The following CRACD variants were observed in gnomAD, a reference collection of about 807,000 sequenced individuals.
CRACD encodes the protein capping protein-inhibiting regulator of actin dynamics.
In CRACD, 56 loss-of-function variants were observed where a neutral mutation model predicts 106.8. The observed-to-expected ratio is 0.52, with a 90% CI of 0.42 to 0.66. The LOEUF (loss-of-function observed/expected upper bound fraction) is 0.66. Ranked by LOEUF, CRACD falls within the 30% of genes least tolerant of loss-of-function variation. The probability of loss-of-function intolerance (pLI) is 0.00; values close to 1 mark genes in which losing one functional copy is unlikely to be tolerated. For synonymous variants in CRACD, 754 were observed against 670.8 expected, an observed-to-expected ratio of 1.12 and a Z score of -1.92; for missense variants, 1,730 against 1,623.2, an observed-to-expected ratio of 1.07 and a Z score of -1.13.
At chr4:56,246,297 G>T (rs1681168356) in intron 2 of CRACD, among the ~76,000 whole-genome samples, 1 of 152,170 alleles carries the variant, frequency 6.6e-6, no homozygotes, top group South Asian at 2.1e-4. Context: ...CTAGTGAAAA[G>T]ATTATATATC....
At chr4:56,069,939 C>A in intron 1 of CRACD, among the ~76,000 whole-genome samples, 1 of 152,200 alleles carries the variant, frequency 6.6e-6, no homozygotes, top group East Asian at 1.9e-4. Context: ...TACAGCTCTG[C>A]ATATAATGGG....
At chr4:56,072,604 C>G (rs1732697657) in intron 1 of CRACD, among the ~76,000 whole-genome samples, 1 of 150,868 alleles carries the variant, frequency 6.6e-6, no homozygotes, top group African/African-American at 2.4e-5. Context: ...TTCTTTCTTT[C>G]TTTCTTTTTT....
At chr4:56,219,131 C>G (rs890271482) in intron 2 of CRACD, among the ~76,000 whole-genome samples, 2 of 152,200 alleles carry the variant, frequency 1.3e-5, no homozygotes, top group Non-Finnish European at 2.9e-5. Context: ...CAGTTCTCTT[C>G]TTACCTTACT....
At chr4:56,285,314 G>A (rs1395615518) in intron 3 of CRACD, among the ~76,000 whole-genome samples, 5 of 152,176 alleles carry the variant, frequency 3.3e-5, no homozygotes, top group Admixed American at 6.5e-5. Context: ...ACCGAATTTC[G>A]AGACTGGCAC....
chr4:56,110,853 TC>T (rs775454513), intron 1 of CRACD, among the ~76,000 whole-genome samples: 46 of 152,290 alleles, frequency 3.0e-4, no homozygotes, highest in Middle Eastern at 3.4e-3. Context: ...TGCCTTGGCC[TC>T]CCAAAGTGCT....
At chr4:56,221,732 A>G (rs937016879) in intron 2 of CRACD, among the ~76,000 whole-genome samples, 1 of 152,220 alleles carries the variant, frequency 6.6e-6, no homozygotes, top group Non-Finnish European at 1.5e-5. Flanking sequence ...AATGACATGA[A>G]CAGACATTTC....
Position 56,144,148 on chromosome 4 carries a change from G to A in CRACD, c.-335-35136G>A, listed in dbSNP as rs187674867. On this transcript the variant is annotated intron_variant, in intron 1 of 10. Transcript: ENST00000682029. The stretch of plus-strand genomic sequence containing the variant: ...AGACCTACAGGTGAGGGAGCACATG[G>A]TGCTTCTGAGCAAAGGAAAAATGTT... Among the ~76,000 whole-genome samples the A allele has an allele frequency of 5.7e-4, 87 of 152,248 alleles. 1 individual carries two copies. The highest frequency in any genetic ancestry group is 3.4e-3 in the Middle Eastern group (1 of 294).
intron 1 of CRACD, among the ~76,000 whole-genome samples, chr4:56,113,441 A>G (rs1274003227): frequency 6.6e-6 from 1 of 152,238 alleles, no homozygotes; most frequent in Non-Finnish European, 1.5e-5. Context: ...GTTGAAAAAA[A>G]TGAACTTCTT....
intron 1 of CRACD, among the ~76,000 whole-genome samples, chr4:56,119,292 G>A (rs201989232): frequency 1.3e-5 from 2 of 151,972 alleles, no homozygotes; most frequent in East Asian, 3.9e-4. Context: ...TTCAAGGAAT[G>A]TTACAAAGTG....
At chr4:56,070,490 G>C (rs1392243663) in intron 1 of CRACD, among the ~76,000 whole-genome samples, 1 of 152,060 alleles carries the variant, frequency 6.6e-6, no homozygotes, top group African/African-American at 2.4e-5. Context: ...TAGTAGAGAC[G>C]GGGTTTCACC....
chr4:56,058,638 G>A (rs769836058), intron 1 of CRACD, among the ~76,000 whole-genome samples: 2 of 152,166 alleles, frequency 1.3e-5, no homozygotes, highest in Non-Finnish European at 2.9e-5. Context: ...AACTAGCAAA[G>A]ATAAAAAGGA....
At chr4:56,092,514 A>G (rs1404219428) in intron 1 of CRACD, among the ~76,000 whole-genome samples, 1 of 152,228 alleles carries the variant, frequency 6.6e-6, no homozygotes, top group African/African-American at 2.4e-5. Flanking sequence ...TGATTGCACA[A>G]TGAATTGATA....
intron 1 of CRACD, among the ~76,000 whole-genome samples, chr4:56,124,299 A>G (rs1734588206): frequency 1.3e-5 from 2 of 152,324 alleles, no homozygotes; most frequent in South Asian, 2.1e-4. Flanking sequence ...AGATAGTATA[A>G]TAAACCCTTG....
intron 2 of CRACD, among the ~76,000 whole-genome samples, chr4:56,203,646 G>T (rs1393108923): frequency 6.6e-6 from 1 of 152,138 alleles, no homozygotes; most frequent in African/African-American, 2.4e-5. Context: ...TCCAGGAAAG[G>T]CTACATAATT....
intron 2 of CRACD, among the ~76,000 whole-genome samples, chr4:56,271,745 A>T (rs1463771563): frequency 6.6e-6 from 1 of 151,508 alleles, no homozygotes; most frequent in Non-Finnish European, 1.5e-5. Context: ...TTTTTATTTT[A>T]TTTATTTATT....
chr4:56,311,220 C>G (rs928303473), intron 6 of CRACD: 1 of 162,168 alleles, frequency 6.2e-6, no homozygotes, highest in African/African-American at 2.4e-5. Context: ...GTGTAAGAAC[C>G]CTGTGGACTC....
At chr4:56,269,562 C>CTTT (rs56162079) in intron 2 of CRACD, among the ~76,000 whole-genome samples, 1 of 112,130 alleles carries the variant, frequency 8.9e-6, no homozygotes, top group Non-Finnish European at 1.8e-5. Flanking sequence ...AGGTGCCACA[C>CTTT]TTTTTTTTTT....
At chr4:56,149,494 A>G (rs2109888354) in intron 1 of CRACD, among the ~76,000 whole-genome samples, 1 of 152,372 alleles carries the variant, frequency 6.6e-6, no homozygotes, top group South Asian at 2.1e-4. Context: ...TAAATATTCT[A>G]CATGTGCTTA....
intron 2 of CRACD, among the ~76,000 whole-genome samples, chr4:56,180,759 T>C (rs958359883): frequency 2.0e-5 from 3 of 152,332 alleles, no homozygotes; most frequent in Admixed American, 2.0e-4. Flanking sequence ...TTTATTTCAT[T>C]AAATTCACAT....
Sources: gnomAD v4.1 joint callset for allele counts (sites outside exome capture counted in the v4.1 genomes callset) on GRCh38, gnomAD v4.1.1 for gene constraint, MANE v1.5 for transcripts, NCBI Gene and HGNC (gene_info 2026-07-23, HGNC 2026-07-21) for gene names.